CYTH1: variants seen among roughly 807,000 people sequenced by gnomAD.
CYTH1 encodes cytohesin 1, also known as cytohesin-1.
In CYTH1, 18 loss-of-function variants were observed where a neutral mutation model predicts 61.8. The ratio of observed to expected loss-of-function variants is 0.29; its 90% confidence interval spans 0.20 to 0.43. The LOEUF (loss-of-function observed/expected upper bound fraction) is 0.43. CYTH1 is among the 20% of genes least tolerant of loss of function. The probability of loss-of-function intolerance (pLI) is 1.00; values close to 1 mark genes in which losing one functional copy is unlikely to be tolerated. For missense variants in CYTH1, 336 were observed against 510.5 expected, an observed-to-expected ratio of 0.66 and a Z score of 3.29; for synonymous variants, 174 against 184.3, an observed-to-expected ratio of 0.94 and a Z score of 0.45.
chr17:78,680,324 G>A lies in CYTH1; in HGVS notation c.984C>T (p.Ile328=), dbSNP rs1317956992. The part of the protein sequence containing the change: ...SKKPNCFELY[I]PDNKDQVIKA... ...TGATAACTTGGTCTTTATTGTCGGG[G>A]ATATAAAGCTCAAAGCAGTTCTGAG... Residue 328 remains isoleucine, a synonymous_variant, in exon 13 of 14, where the codon ATC becomes ATT. Coordinates refer to ENST00000446868, the MANE Select transcript of CYTH1 (RefSeq NM_004762.6). 2.5e-6 allele frequency: 4 copies of A among 1,613,938 alleles called. No homozygotes were observed. The highest frequency in any genetic ancestry group is 3.4e-6 in the Non-Finnish European group (4 of 1,179,874).
At chr17:78,770,714 G>GT (rs1238251185) in intron 1 of CYTH1, among the ~76,000 whole-genome samples, 11 of 152,098 alleles carry the variant, frequency 7.2e-5, no homozygotes, top group Admixed American at 7.2e-4. Flanking sequence ...CTGAAAATAG[G>GT]TTTTTTTAAT....
chr17:78,726,342 TCAA>T (rs1309156649), intron 1 of CYTH1, among the ~76,000 whole-genome samples: 1 of 152,030 alleles, frequency 6.6e-6, no homozygotes, highest in Non-Finnish European at 1.5e-5. Flanking sequence ...GCGCCCGGCC[TCAA>T]CAATCTTTTA....
intron 12 of CYTH1, 118 bp from the exon 13 acceptor site, chr17:78,680,462 A>G: frequency 1.7e-6 from 2 of 1,172,210 alleles, no homozygotes; most frequent in Non-Finnish European, 2.4e-6. Flanking sequence ...CAAGGAATAC[A>G]TATTTTCCTG....
At chr17:78,780,128 G>A (rs985773582) in intron 1 of CYTH1, among the ~76,000 whole-genome samples, 6 of 152,248 alleles carry the variant, frequency 3.9e-5, no homozygotes, top group East Asian at 1.9e-4. Context: ...AGAGCAGCAG[G>A]CAAAACTGCT....
chr17:78,765,207 G>C (rs536092579), intron 1 of CYTH1, among the ~76,000 whole-genome samples: 1 of 152,052 alleles, frequency 6.6e-6, no homozygotes, highest in African/African-American at 2.4e-5. Flanking sequence ...CAGGATCACC[G>C]GGAGGCCCTC....
intron 11 of CYTH1, among the ~76,000 whole-genome samples, chr17:78,686,606 C>CGGATTGTAAGTATCCAACGTCA (rs1324286405): frequency 1.3e-5 from 2 of 152,072 alleles, no homozygotes; most frequent in Non-Finnish European, 2.9e-5. Flanking sequence ...TCTTTCCTCT[C>CGGATTGTAAGTATCCAACGTCA]GGATTGTAAG....
At chr17:78,692,550 C>G in intron 10 of CYTH1, 57 bp from the exon 11 acceptor site, 1 of 1,526,572 alleles carries the variant, frequency 6.6e-7, no homozygotes, top group South Asian at 1.1e-5. Flanking sequence ...AGTGCAGGCT[C>G]CACGACACAC....
chr17:78,713,086 A>AAT (rs10641688), intron 1 of CYTH1, among the ~76,000 whole-genome samples: 8,616 of 150,470 alleles, frequency 0.057, 449 homozygotes, highest in South Asian at 0.15. Context: ...AACATTAAAA[A>AAT]ATATATATAT....
At chr17:78,752,415 G>T (rs574183267) in intron 1 of CYTH1, among the ~76,000 whole-genome samples, 2 of 152,014 alleles carry the variant, frequency 1.3e-5, no homozygotes, top group Non-Finnish European at 2.9e-5. Context: ...CAATGCTGCC[G>T]ATCATCTCAG....
rs913809970 is a variant in CYTH1 at position 78,700,482 on chromosome 17, G to A, written c.438-39C>T. ...GACAGAGTGTTCCAGAACTTGGGGA[G>A]GCAATTTATTTCTCTATGAATTGTT... is the stretch of plus-strand genomic sequence containing the variant. On this transcript the variant is annotated intron_variant, in intron 6 of 13. Coordinates refer to ENST00000446868, the MANE Select transcript of CYTH1 (RefSeq NM_004762.6). The surrounding 1 kb of genome is among the most constrained non-coding windows in gnomAD (Gnocchi z 5.1). 1 of 1,507,034 alleles carries A rather than the reference G, an allele frequency of 6.6e-7. No individual in the cohort carries two copies. Among genetic ancestry groups the A allele is most frequent in the Non-Finnish European group, 9.0e-7 (1 of 1,111,806 alleles). 93.4% of individuals were successfully genotyped at this position (1,507,034 alleles called of 1,614,324 possible). A position where few individuals can be genotyped will look rare whatever the true frequency, so the allele number is the denominator to read the frequency against.
intron 1 of CYTH1, among the ~76,000 whole-genome samples, chr17:78,728,268 G>A (rs1023993356): frequency 3.3e-5 from 5 of 152,126 alleles, no homozygotes; most frequent in African/African-American, 4.8e-5. Flanking sequence ...TATTTACGCC[G>A]GGTGCAGTGG....
intron 11 of CYTH1, among the ~76,000 whole-genome samples, chr17:78,688,415 G>A (rs995813008): frequency 6.6e-6 from 1 of 152,238 alleles, no homozygotes; most frequent in Non-Finnish European, 1.5e-5. Context: ...GAGTACCAGA[G>A]TGACTCGTTA....
At position 78,702,201 on chromosome 17, in the gene CYTH1, T is replaced by A; in HGVS notation, c.277A>T (p.Thr93Ser). ...FLIENDLLKN[T>S]CEDIAQFLYK... ...AAGAACTGGGCAATGTCTTCACAAGTGTTCTTCAGGAGGTCGTTCTCTATT... is the reference window on the plus strand; with the variant it reads ...AAGAACTGGGCAATGTCTTCACAAGAGTTCTTCAGGAGGTCGTTCTCTATT... Residue 93 changes from threonine to serine, a missense_variant, in exon 5 of 14, where the codon ACT becomes TCT. By Grantham distance (58) the Thr-to-Ser change is moderately conservative. Coordinates refer to ENST00000446868, the MANE Select transcript of CYTH1 (RefSeq NM_004762.6). The A allele has an allele frequency of 6.2e-7, 1 of 1,614,162 alleles. No individual in the cohort carries two copies. Among genetic ancestry groups the A allele is most frequent in the Non-Finnish European group, 8.5e-7 (1 of 1,180,010 alleles).
intron 1 of CYTH1, chr17:78,736,737 G>C: frequency 2.4e-6 from 1 of 415,688 alleles, no homozygotes; most frequent in Non-Finnish European, 5.1e-6. Context: ...CCTTACAGCG[G>C]GACACGAAAA....
chr17:78,711,168 A>G (rs917196678), intron 1 of CYTH1, among the ~76,000 whole-genome samples: 6 of 151,854 alleles, frequency 4.0e-5, no homozygotes, highest in African/African-American at 1.5e-4. Context: ...AGGCTGAGGC[A>G]GGAGAATGGC....
chr17:78,739,229 TTTTACA>T (rs1274454151), intron 1 of CYTH1, among the ~76,000 whole-genome samples: 1 of 152,222 alleles, frequency 6.6e-6, no homozygotes, highest in Non-Finnish European at 1.5e-5. Context: ...TTTAAAAAGT[TTTTACA>T]AAGATAGTTG....
At chr17:78,690,604 G>A (rs1420964909) in intron 11 of CYTH1, among the ~76,000 whole-genome samples, 6 of 151,520 alleles carry the variant, frequency 4.0e-5, no homozygotes, top group African/African-American at 1.5e-4. Context: ...GCTGAGATGG[G>A]AGAATCACTT....
chr17:78,746,012 G>A (rs1024728575), intron 1 of CYTH1, among the ~76,000 whole-genome samples: 9 of 152,230 alleles, frequency 5.9e-5, no homozygotes, highest in African/African-American at 2.2e-4. Context: ...CTGATTTCCT[G>A]AAAGGGCTTT....
intron 1 of CYTH1, among the ~76,000 whole-genome samples, chr17:78,753,063 T>A (rs2093386695): frequency 6.6e-6 from 1 of 151,042 alleles, no homozygotes; most frequent in South Asian, 2.1e-4. Flanking sequence ...CATGTATGAG[T>A]GAGTGTAGGG....
Sources: allele counts gnomAD v4.1 joint callset (sites outside exome capture counted in the v4.1 genomes callset), GRCh38; gene constraint gnomAD v4.1.1; non-coding constraint Gnocchi (gnomAD v3.1); transcripts MANE v1.5; gene names NCBI Gene and HGNC (gene_info 2026-07-23, HGNC 2026-07-21).